Variants in RNF144A observed in about 807,000 individuals in gnomAD.
RNF144A encodes E3 ubiquitin-protein ligase RNF144A.
RNF144A carries 11 observed loss-of-function variants against 38.7 expected under a neutral mutation model. The observed-to-expected ratio is 0.28, with a 90% confidence interval of 0.18 to 0.47. RNF144A has a LOEUF of 0.47. Ranked by LOEUF, RNF144A falls within the 20% of genes least tolerant of loss-of-function variation. The probability of loss-of-function intolerance (pLI) is 0.99; values close to 1 mark genes in which losing one functional copy is unlikely to be tolerated. For missense variants in RNF144A, 316 were observed against 377.2 expected (o/e 0.84, Z 1.34); for synonymous variants, 149 against 143.9 (o/e 1.04, Z -0.25).
chr2:6,921,638 G>T (rs548604504), intron 1 of RNF144A, among the ~76,000 whole-genome samples: 5 of 152,326 alleles, frequency 3.3e-5, no homozygotes, highest in Non-Finnish European at 5.9e-5. Flanking sequence ...GGAGGCTGTA[G>T]TCTAGGGAGC....
At chr2:6,975,973 G>T (rs909217504) in intron 2 of RNF144A, among the ~76,000 whole-genome samples, 1 of 152,226 alleles carries the variant, frequency 6.6e-6, no homozygotes, top group Admixed American at 6.5e-5. Flanking sequence ...TGGATAGAAG[G>T]CTTTTTCATC....
chr2:6,925,429 C>T (rs2103271792), intron 1 of RNF144A, among the ~76,000 whole-genome samples: 1 of 152,236 alleles, frequency 6.6e-6, no homozygotes, highest in African/African-American at 2.4e-5. Flanking sequence ...ACTAAGAAAC[C>T]ATCTGTGTTT....
intron 1 of RNF144A, among the ~76,000 whole-genome samples, chr2:6,939,524 TTG>T: frequency 6.6e-6 from 1 of 152,370 alleles, no homozygotes; most frequent in African/African-American, 2.4e-5. Context: ...ATTCTGTGGG[TTG>T]TCTTTTTACT....
At chr2:7,066,431 T>A (rs1370860869) in intron 6 of RNF144A, among the ~76,000 whole-genome samples, 1 of 152,224 alleles carries the variant, frequency 6.6e-6, no homozygotes, top group Non-Finnish European at 1.5e-5. Flanking sequence ...TTAGAACAAT[T>A]TGGTAATGTA....
intron 5 of RNF144A, 66 bp downstream of exon 5, chr2:7,014,838 G>T (rs1671038637): frequency 3.4e-6 from 4 of 1,184,272 alleles, no homozygotes; most frequent in Non-Finnish European, 5.0e-6. Flanking sequence ...ATTTTGTGGG[G>T]AGTTCTTTTG....
intron 6 of RNF144A, among the ~76,000 whole-genome samples, chr2:7,051,816 G>A (rs1301491123): frequency 6.6e-6 from 1 of 152,192 alleles, no homozygotes; most frequent in Non-Finnish European, 1.5e-5. Flanking sequence ...TTGAATCCAA[G>A]AGTGTGGCTC....
chr2:7,028,991 CTGG>C (rs1268732215), intron 7 of RNF144A, among the ~76,000 whole-genome samples: 9 of 152,216 alleles, frequency 5.9e-5, no homozygotes, highest in Non-Finnish European at 1.3e-4. Context: ...AAACTCAAGG[CTGG>C]TGTCCTCCCC....
In RNF144A at chr2:7,040,559, A is replaced by T; in HGVS notation, c.*799A>T. ...TTTTCTCTCTTTGGTGATTCAGCTC[A>T]GCTCATGGGCCTCATCCCTTCTCTC... On this transcript the variant is annotated 3_prime_UTR_variant, in exon 9 of 9. Transcript: ENST00000320892. 1.0e-6 allele frequency: 1 copy of T among 985,462 alleles called. No individual in the cohort carries two copies. The highest frequency in any genetic ancestry group is 1.2e-6 in the Non-Finnish European group (1 of 829,936). The allele number at this position is 985,462 out of a possible 1,614,324, so 61.0% of individuals were successfully genotyped here.
At chr2:6,974,402 T>C (rs1668180149) in intron 2 of RNF144A, among the ~76,000 whole-genome samples, 2 of 152,214 alleles carry the variant, frequency 1.3e-5, no homozygotes, top group South Asian at 4.1e-4. Flanking sequence ...TTCTTAACCT[T>C]GGTGTGCCCC....
intron 1 of RNF144A, among the ~76,000 whole-genome samples, chr2:6,926,588 G>C (rs924651278): frequency 6.6e-6 from 1 of 152,186 alleles, no homozygotes; most frequent in African/African-American, 2.4e-5. Flanking sequence ...CCATCAATAG[G>C]TTCGGTGTGG....
chr2:6,998,020 C>T (rs149228768), intron 3 of RNF144A, among the ~76,000 whole-genome samples: 12 of 151,958 alleles, frequency 7.9e-5, no homozygotes, highest in African/African-American at 2.2e-4. Flanking sequence ...GATGTATACA[C>T]GTATACAAAA....
chr2:7,029,110 AG>A, intron 7 of RNF144A, among the ~76,000 whole-genome samples: 1 of 152,204 alleles, frequency 6.6e-6, no homozygotes, highest in Admixed American at 6.5e-5. Context: ...TTTTCGGAAG[AG>A]TGACTTCCTG....
intron 6 of RNF144A, among the ~76,000 whole-genome samples, chr2:7,060,458 T>C (rs1020343373): frequency 1.3e-5 from 2 of 152,226 alleles, no homozygotes; most frequent in East Asian, 3.8e-4. Flanking sequence ...CTTGCTTTTG[T>C]TACCTTCAAA....
chr2:7,003,370 C>T (rs1670239616), intron 3 of RNF144A, among the ~76,000 whole-genome samples: 1 of 152,202 alleles, frequency 6.6e-6, no homozygotes, highest in African/African-American at 2.4e-5. Context: ...GAGCTCTATT[C>T]ATGGTAAGCG....
chr2:6,964,658 A>C lies in RNF144A; in HGVS notation c.-12+23511A>C, dbSNP rs535513184. ...CGCAGCCATAAAAAATGATGAGTTC[A>C]TGTCCTTTGTAGGGACATGGATGAA... On this transcript the variant is annotated intron_variant, in intron 2 of 8. Coordinates refer to ENST00000320892, the MANE Select transcript of RNF144A (RefSeq NM_014746.6). Among the ~76,000 whole-genome samples the C allele has an allele frequency of 8.5e-4, 130 of 152,338 alleles. 1 individual carries two copies. Among genetic ancestry groups the C allele is most frequent in the African/African-American group, 3.1e-3 (128 of 41,572 alleles).
At chr2:6,937,293 C>T (rs192355819) in intron 1 of RNF144A, among the ~76,000 whole-genome samples, 34 of 152,284 alleles carry the variant, frequency 2.2e-4, no homozygotes, top group African/African-American at 7.2e-4. Context: ...TGAGAAAATG[C>T]GGATGCCAGT....
Position 6,959,317 on chromosome 2 carries a change from G to A in RNF144A, c.-12+18170G>A, listed in dbSNP as rs180739750. 2.8e-4 allele frequency among the ~76,000 whole-genome samples: 43 copies of A among 152,318 alleles called. No individual in the cohort carries two copies. In the East Asian group the frequency reaches 4.8e-3, roughly 17 times the overall value. The stretch of plus-strand genomic sequence containing the variant: ...TAAAAAGGAAGCAGAGGGATTGAAA[G>A]GCGGGATGGAAGTGAAAGTGGAGCA... On this transcript the variant is annotated intron_variant, in intron 2 of 8. Coordinates refer to ENST00000320892, the MANE Select transcript of RNF144A (RefSeq NM_014746.6).
At chr2:7,020,904 G>A (rs1380307307) in intron 6 of RNF144A, 6 of 571,284 alleles carry the variant, frequency 1.1e-5, no homozygotes, top group Non-Finnish European at 1.9e-5. Flanking sequence ...CCTGGAAATA[G>A]AAAGGTGTGT....
chr2:6,949,184 T>C (rs917556648), intron 2 of RNF144A, among the ~76,000 whole-genome samples: 2 of 152,288 alleles, frequency 1.3e-5, no homozygotes, highest in Admixed American at 1.3e-4. Context: ...AAACGCAATT[T>C]GAGGTTTTGA....
Sources: gnomAD v4.1 joint callset for allele counts (sites outside exome capture counted in the v4.1 genomes callset) on GRCh38, gnomAD v4.1.1 for gene constraint, MANE v1.5 for transcripts, NCBI Gene and HGNC (gene_info 2026-07-23, HGNC 2026-07-21) for gene names.